Variants in OS9 observed in about 807,000 individuals in gnomAD.
OS9 encodes the protein OS9 endoplasmic reticulum lectin, also known as protein OS-9.
A neutral mutation model predicts 84.7 loss-of-function variants in OS9; 58 were observed. That is an observed-to-expected ratio of 0.68 (90% CI 0.55 to 0.85). The LOEUF (loss-of-function observed/expected upper bound fraction) is 0.85. Among genes scored for constraint, OS9 ranks in the 40% least tolerant of loss-of-function variants. The probability of loss-of-function intolerance (pLI) is 0.00; values close to 1 mark genes in which losing one functional copy is unlikely to be tolerated. For missense variants in OS9, 760 were observed against 850.9 expected (o/e 0.89, Z 1.33); for synonymous variants, 278 against 320.8 (o/e 0.87, Z 1.43).
chr12:57,716,398 TC>T lies in OS9; in HGVS notation c.893-13del. ...TCCTGTCAGATCAGTCTCTCCCTGT[TC>T]TCTGTACCCTAGGTGCGAGCCCGAC... On this transcript the variant is annotated splice_polypyrimidine_tract_variant and intron_variant, in intron 7 of 14. Coordinates refer to ENST00000315970, the MANE Select transcript of OS9 (RefSeq NM_006812.4). The T allele has an allele frequency of 6.5e-7, 1 of 1,547,210 alleles. No individual in the cohort carries two copies. Among genetic ancestry groups the T allele is most frequent in the Non-Finnish European group, 8.8e-7 (1 of 1,142,442 alleles).
chr12:57,696,452 C>CGGG (rs1555192314), intron 5 of OS9, 79 bp downstream of exon 5: 8 of 12,560 alleles, frequency 6.4e-4, no homozygotes, highest in African/African-American at 4.7e-3. Flanking sequence ...ATCTTATAGT[C>CGGG]GGGGCGGGGG....
chr12:57,704,654 A>C (rs1954117048), intron 5 of OS9, among the ~76,000 whole-genome samples: 1 of 152,170 alleles, frequency 6.6e-6, no homozygotes, highest in South Asian at 2.1e-4. Context: ...CATTCTTTAT[A>C]AATTTCAGAT....
chr12:57,694,659 C>T (rs775249403), intron 1 of OS9, 91 bp from the exon 2 acceptor site: 96 of 1,330,912 alleles, frequency 7.2e-5, no homozygotes, highest in Non-Finnish European at 9.2e-5. Flanking sequence ...CGACTGATCT[C>T]TTCCCCAGGG....
At chr12:57,706,121 G>A (rs1172653403) in intron 5 of OS9, among the ~76,000 whole-genome samples, 1 of 152,116 alleles carries the variant, frequency 6.6e-6, no homozygotes, top group Non-Finnish European at 1.5e-5. Flanking sequence ...CACTGTTAGC[G>A]TGATGTTTTC....
At chr12:57,718,472 A>G (rs760645266) in intron 11 of OS9, 51 bp downstream of exon 11, 31 of 1,580,520 alleles carry the variant, frequency 2.0e-5, no homozygotes, top group Non-Finnish European at 2.6e-5. Flanking sequence ...GGTCCCGTGG[A>G]GCAGGACAGG....
In OS9 at chr12:57,694,237, G is replaced by A. The variant is rs1953753518; in HGVS notation, c.76G>A (p.Gly26Ser). The change falls in exon 1 of 15, where the codon GGC becomes AGC. Residue 26 changes from glycine (G) to serine (S), a missense_variant. Transcript: ENST00000315970. ...LGLLLPASLT[G>S]GVGSLNLEEL... is the part of the protein sequence containing the mutation. ...ACTCCTGTTACCCGCAAGTCTGACC[G>A]GCGGTGTCGGGAGCCTGAACCTGGA... The A allele has an allele frequency of 5.0e-6, 8 of 1,614,186 alleles. No homozygotes were observed. The highest frequency in any genetic ancestry group is 6.8e-6 in the Non-Finnish European group (8 of 1,180,020).
chr12:57,717,423 G>A (rs1467090494), intron 9 of OS9, among the ~76,000 whole-genome samples: 1 of 152,242 alleles, frequency 6.6e-6, no homozygotes, highest in Non-Finnish European at 1.5e-5. Context: ...TAGTTACTTG[G>A]AAGGCTGATG....
chr12:57,720,882 AG>A lies in OS9; in HGVS notation c.1981del (p.Asp661ThrfsTer78). 3.1e-6 allele frequency: 5 copies of A among 1,614,156 alleles called. No individual in the cohort carries two copies. Among genetic ancestry groups the A allele is most frequent in the Non-Finnish European group, 4.2e-6 (5 of 1,179,982 alleles). On this transcript the variant is annotated frameshift_variant, in exon 15 of 15. Coordinates refer to ENST00000315970, the MANE Select transcript of OS9 (RefSeq NM_006812.4). LOFTEE classifies it high-confidence loss of function. ...GGGGCTCTCCAGGTGGGGAGGGCAC[AG>A]GGGACCTGGACGAATTTGACTTCTG... The part of the protein sequence containing the change: ...VWGSPGGEGT[G>X]DLDEFDF
chr12:57,717,865 C>T lies in OS9; in HGVS notation c.1046-5C>T, dbSNP rs1954550678. ...AGGTTCATGATTATTATTCTTTCAT[C>T]TCAGATTTTCAGAACAACGTGCAGG... On this transcript the variant is annotated splice_polypyrimidine_tract_variant and splice_region_variant and intron_variant, in intron 9 of 14. Transcript: ENST00000315970. 1 of 1,428,448 alleles carries T rather than the reference C, an allele frequency of 7.0e-7. No homozygotes were observed. Among genetic ancestry groups the T allele is most frequent in the Non-Finnish European group, 9.6e-7 (1 of 1,041,972 alleles). The allele number at this position is 1,428,448 out of a possible 1,614,324, so 88.5% of individuals were successfully genotyped here.
chr12:57,697,838 CT>C lies in OS9; in HGVS notation c.579+1466del, dbSNP rs532655221. On this transcript the variant is annotated intron_variant, in intron 5 of 14. Coordinates refer to ENST00000315970, the MANE Select transcript of OS9 (RefSeq NM_006812.4). ...CATTCAGGTTATATTCAAGTGACAA[CT>C]CCCAGGGAACCTAACATAAGCAAAC... Among the ~76,000 whole-genome samples, 10 of 145,506 alleles carry C rather than the reference CT, an allele frequency of 6.9e-5. No individual in the cohort carries two copies. In the South Asian group the frequency reaches 2.1e-3, roughly 31 times the overall value.
Position 57,718,462 on chromosome 12 carries a change from G to T in OS9, c.1410+41G>T, listed in dbSNP as rs1415350288. On this transcript the variant is annotated intron_variant, in intron 11 of 14. Transcript: ENST00000315970. ...CCTCCTGTTGCTTCCACAGCCGCCT[G>T]GTCCCGTGGAGCAGGACAGGCTGAC... 57 of 1,592,766 alleles carry T rather than the reference G, an allele frequency of 3.6e-5. No individual in the cohort carries two copies. The East Asian group carries it at 1.2e-3, about 34-fold the overall frequency.
chr12:57,720,420 A>G lies in OS9; in HGVS notation c.1780A>G (p.Lys594Glu). The change falls in exon 14 of 15, where the codon AAA becomes GAA. Residue 594 changes from lysine (K) to glutamate (E), a missense_variant. Coordinates refer to ENST00000315970, the MANE Select transcript of OS9 (RefSeq NM_006812.4). ...GLTAAGKIEIKIVRPWAEGTE... is the reference protein window; with the variant it reads ...GLTAAGKIEIEIVRPWAEGTE... ...CTCCTTTCCAGGGAAAATTGAGATC[A>G]AAATTGTCCGCCCATGGGCTGAAGG... 5 of 1,613,906 alleles carry G rather than the reference A, an allele frequency of 3.1e-6. No individual in the cohort carries two copies. Among genetic ancestry groups the G allele is most frequent in the Non-Finnish European group, 3.4e-6 (4 of 1,179,710 alleles).
At chr12:57,716,802 G>A (rs1327269702) in intron 9 of OS9, 58 bp downstream of exon 9, 1 of 1,489,114 alleles carries the variant, frequency 6.7e-7, no homozygotes, top group East Asian at 2.3e-5. Context: ...GCAGGGGTAG[G>A]GATGGAGGGG....
At chr12:57,700,820 A>G (rs780793187) in intron 5 of OS9, among the ~76,000 whole-genome samples, 4 of 152,222 alleles carry the variant, frequency 2.6e-5, no homozygotes, top group African/African-American at 2.4e-5. Flanking sequence ...TGGGAGAGCA[A>G]TTTGCCTCTA....
rs950144063 is a variant in OS9 at position 57,699,228 on chromosome 12, G to C, written c.579+2855G>C. Among the ~76,000 whole-genome samples the C allele has an allele frequency of 6.6e-5, 10 of 152,314 alleles. No individual in the cohort carries two copies. The East Asian group carries it at 7.7e-4, about 12-fold the overall frequency. On this transcript the variant is annotated intron_variant, in intron 5 of 14. Transcript: ENST00000315970. The stretch of plus-strand genomic sequence containing the variant: ...TTGAATATGATTTTAGTGGCTGCTA[G>C]GCATTCAAGTAGAGATTTCCAAGGG...
At chr12:57,695,262 C>T in intron 2 of OS9, 1 of 398,422 alleles carries the variant, frequency 2.5e-6, no homozygotes, top group Non-Finnish European at 4.7e-6. Context: ...GTTTTATTTT[C>T]ATCGTAGCAC....
chr12:57,699,110 C>G (rs1953947079), intron 5 of OS9, among the ~76,000 whole-genome samples: 1 of 152,046 alleles, frequency 6.6e-6, no homozygotes, highest in African/African-American at 2.4e-5. Context: ...AGGCTTTTGG[C>G]TTGTGCAGTT....
chr12:57,716,778 A>G (rs1419185488), intron 9 of OS9, 34 bp downstream of exon 9: 2 of 1,592,896 alleles, frequency 1.3e-6, no homozygotes, highest in Admixed American at 3.3e-5. Flanking sequence ...TTTACTGAAT[A>G]TATTTTAGGA....
intron 5 of OS9, among the ~76,000 whole-genome samples, chr12:57,697,927 A>G (rs879458730): frequency 0.35 from 26,669 of 76,568 alleles, 3,745 homozygotes; most frequent in Middle Eastern, 0.46. Context: ...ACACACATAC[A>G]CACACACACA....
Sources: gnomAD v4.1 joint callset for allele counts (sites outside exome capture counted in the v4.1 genomes callset) on GRCh38, gnomAD v4.1.1 for gene constraint, MANE v1.5 for transcripts, NCBI Gene and HGNC (gene_info 2026-07-23, HGNC 2026-07-21) for gene names.